SYTL5: variants seen among roughly 807,000 people sequenced by gnomAD.
The protein encoded by SYTL5 is synaptotagmin-like protein 5.
In SYTL5, 34 loss-of-function variants were observed where a neutral mutation model predicts 55.9. That is an observed-to-expected ratio of 0.61 (90% CI 0.46 to 0.81). The LOEUF (loss-of-function observed/expected upper bound fraction) is 0.81. Among genes scored for constraint, SYTL5 ranks in the 30% least tolerant of loss-of-function variants. SYTL5 has a pLI of 0.00. For synonymous variants in SYTL5, 221 were observed against 188.7 expected (o/e 1.17, Z -1.40); for missense variants, 637 against 546.7 (o/e 1.17, Z -1.65).
the SYTL5 span, among the ~76,000 whole-genome samples, chrX:37,895,857 T>C: frequency 8.9e-6 from 1 of 111,896 alleles, no homozygotes; most frequent in Non-Finnish European, 1.9e-5. Flanking sequence ...TAATGATATA[T>C]TACAAGTGGA....
At chrX:38,097,802 A>C (rs1465336989) in intron 9 of SYTL5, among the ~76,000 whole-genome samples, 2 of 108,915 alleles carry the variant, frequency 1.8e-5, no homozygotes, top group African/African-American at 6.6e-5. Flanking sequence ...TTAAAAACTT[A>C]CTCTACAGTT....
At chrX:38,044,714 CTG>C (rs1214966731) in intron 2 of SYTL5, among the ~76,000 whole-genome samples, 1 of 111,813 alleles carries the variant, frequency 8.9e-6, no homozygotes, top group African/African-American at 3.2e-5. Flanking sequence ...ATCTCCATCT[CTG>C]TTTTTTTCTG....
the SYTL5 span, among the ~76,000 whole-genome samples, chrX:37,947,755 C>G: frequency 2.2e-3 from 237 of 109,878 alleles, 1 homozygote; most frequent in African/African-American, 7.5e-3. Context: ...TCCTAATTTT[C>G]CCACTTTGTA....
At chrX:37,993,225 C>T in the SYTL5 span, among the ~76,000 whole-genome samples, 1 of 111,690 alleles carries the variant, frequency 9.0e-6, no homozygotes, top group South Asian at 3.7e-4. Flanking sequence ...AAATAACTTA[C>T]CTAATGTCAA....
rs1410090893 is a variant in SYTL5 at position 38,108,452 on chromosome X, A to T, written c.1335-148A>T. On this transcript the variant is annotated intron_variant, in intron 11 of 16. Transcript: ENST00000297875. Reference sequence around the variant, plus strand: ...ACGGAAGGCCCAGTGTTCTATTTTAAGGTATCCTGTTATATAGACAAAATT... The same window carrying T: ...ACGGAAGGCCCAGTGTTCTATTTTATGGTATCCTGTTATATAGACAAAATT... 8 of 415,198 alleles carry T rather than the reference A, an allele frequency of 1.9e-5. No individual in the cohort carries two copies. The Admixed American group carries it at 2.8e-4, about 15-fold the overall frequency. The allele number at this position is 415,198 out of a possible 1,213,427, so 34.2% of individuals were successfully genotyped here.
the SYTL5 span, among the ~76,000 whole-genome samples, chrX:37,961,895 T>C: frequency 8.0e-5 from 9 of 111,881 alleles, no homozygotes; most frequent in East Asian, 1.9e-3. Context: ...AAGTGATGTA[T>C]ACTTTTTTTT....
At chrX:37,954,446 C>T in the SYTL5 span, among the ~76,000 whole-genome samples, 1 of 111,394 alleles carries the variant, frequency 9.0e-6, no homozygotes, top group Admixed American at 9.6e-5. Flanking sequence ...TAAATGGGGA[C>T]AAGATGCTCT....
the SYTL5 span, among the ~76,000 whole-genome samples, chrX:37,889,526 T>A: frequency 8.9e-6 from 1 of 111,852 alleles, no homozygotes; most frequent in Admixed American, 9.5e-5. Context: ...CAGGTTTTAA[T>A]GTTTTTACAA....
chrX:37,891,751 G>A, the SYTL5 span, among the ~76,000 whole-genome samples: 1 of 111,467 alleles, frequency 9.0e-6, no homozygotes, highest in East Asian at 2.8e-4. Flanking sequence ...AATATCATAG[G>A]TATACTTATA....
At chrX:37,909,285 G>A in the SYTL5 span, among the ~76,000 whole-genome samples, 9 of 112,020 alleles carry the variant, frequency 8.0e-5, no homozygotes, top group East Asian at 1.7e-3. Context: ...ATCATGGTGG[G>A]AGATCAGATA....
the SYTL5 span, among the ~76,000 whole-genome samples, chrX:37,900,376 T>C: frequency 1.8e-5 from 2 of 112,153 alleles, no homozygotes; most frequent in African/African-American, 6.5e-5. Flanking sequence ...AATATGATAT[T>C]TAGTATGTCA....
intron 2 of SYTL5, among the ~76,000 whole-genome samples, chrX:38,052,396 A>G (rs2147292755): frequency 8.9e-6 from 1 of 112,077 alleles, no homozygotes; most frequent in East Asian, 2.8e-4. Context: ...AATGCCTAGC[A>G]CAGTGTAGGC....
rs778777867 is a variant in SYTL5, at chrX:38,094,288, T to A, written c.832-7T>A. On this transcript the variant is annotated splice_region_variant and splice_polypyrimidine_tract_variant and intron_variant, in intron 7 of 16. Coordinates refer to ENST00000297875, the MANE Select transcript of SYTL5 (RefSeq NM_138780.3). ...TAATTTTTTTCTCATTTTTACTTTG[T>A]GGGAAGGAGTATGGTTTTGAAAATT... The A allele has an allele frequency of 8.4e-7, 1 of 1,190,598 alleles. No homozygotes were observed. Among genetic ancestry groups the A allele is most frequent in the Non-Finnish European group, 1.1e-6 (1 of 880,283 alleles).
rs145221974 is a variant in SYTL5, at chrX:38,083,738, T to C, written c.690-5708T>C. Among the ~76,000 whole-genome samples, 10 of 108,266 alleles carry C rather than the reference T, an allele frequency of 9.2e-5. No homozygotes were observed. In the East Asian group the frequency reaches 2.6e-3, roughly 28 times the overall value. The allele number at this position is 108,266 out of a possible 115,157, so 94.0% of individuals were successfully genotyped here. ...TGAAATTTACTTCTTTTGGGTGTATTAGCTTCTCCAAAGAGTTTAGTTTTT... is the reference window on the plus strand; with the variant it reads ...TGAAATTTACTTCTTTTGGGTGTATCAGCTTCTCCAAAGAGTTTAGTTTTT... On this transcript the variant is annotated intron_variant, in intron 6 of 16. Transcript: ENST00000297875.
Position 38,123,558 on chromosome X carries a change from AAGAAATGCTTTCTTT to A in SYTL5, c.1841+1344_1841+1358del, listed in dbSNP as rs1439463517. Among the ~76,000 whole-genome samples, 14 of 111,811 alleles carry A rather than the reference AAGAAATGCTTTCTTT, an allele frequency of 1.3e-4. No individual in the cohort carries two copies. The East Asian group carries it at 3.6e-3, about 29-fold the overall frequency. ...TTCCTTGCAGTAGATTTAAGCATAG[AAGAAATGCTTTCTTT>A]GGATACTGCAGTTACAATTTGTGTC... On this transcript the variant is annotated intron_variant, in intron 15 of 16. Coordinates refer to ENST00000297875, the MANE Select transcript of SYTL5 (RefSeq NM_138780.3).
chrX:37,965,948 A>G, the SYTL5 span, among the ~76,000 whole-genome samples: 1 of 112,379 alleles, frequency 8.9e-6, no homozygotes, highest in Non-Finnish European at 1.9e-5. Context: ...TTTGCACAGA[A>G]TATCTTTTTC....
chrX:38,036,092 G>A (rs971800508), intron 2 of SYTL5, among the ~76,000 whole-genome samples: 1 of 110,272 alleles, frequency 9.1e-6, no homozygotes, highest in Non-Finnish European at 1.9e-5. Flanking sequence ...GACCACCTGA[G>A]GTCAGGAGTT....
chrX:38,030,053 A>T (rs1312519005), intron 1 of SYTL5, among the ~76,000 whole-genome samples: 1 of 111,647 alleles, frequency 9.0e-6, no homozygotes, highest in Non-Finnish European at 1.9e-5. Context: ...AAAAGAGGGA[A>T]TCAGCCCATC....
chrX:37,899,270 T>C, the SYTL5 span, among the ~76,000 whole-genome samples: 4 of 111,062 alleles, frequency 3.6e-5, no homozygotes, highest in African/African-American at 6.6e-5. Context: ...GGCGCAATCA[T>C]AGCTCATTGC....
Sources: gnomAD v4.1 joint callset for allele counts (sites outside exome capture counted in the v4.1 genomes callset) on GRCh38, gnomAD v4.1.1 for gene constraint, MANE v1.5 for transcripts, NCBI Gene and HGNC (gene_info 2026-07-23, HGNC 2026-07-21) for gene names.